The following TSHR variants were observed in gnomAD, a reference collection of about 807,000 sequenced individuals.
The protein encoded by TSHR is thyroid stimulating hormone receptor.
TSHR carries 51 observed loss-of-function variants against 64.1 expected under a neutral mutation model. The ratio of observed to expected loss-of-function variants is 0.80; its 90% CI spans 0.64 to 1.01. The LOEUF (loss-of-function observed/expected upper bound fraction) is 1.01. TSHR is among the 50% of genes least tolerant of loss of function. TSHR has a pLI of 0.00. For missense variants in TSHR, 877 were observed against 942.8 expected (o/e 0.93, Z 0.91); for synonymous variants, 361 against 361.9 (o/e 1.00, Z 0.03).
rs2140108898 is a variant in TSHR at position 81,143,049 on chromosome 14, G to C, written c.991G>C (p.Gly331Arg). 1.2e-6 allele frequency: 2 copies of C among 1,614,146 alleles called. No homozygotes were observed. Among genetic ancestry groups the C allele is most frequent in the Non-Finnish European group, 1.7e-6 (2 of 1,180,024 alleles). ...PLHQEYEENL[G>R]DSIVGYKEKS... ...CCACCAGGAATATGAAGAGAATCTG[G>C]GTGACAGCATTGTTGGGTACAAGGA... The change falls in exon 10 of 10, where the codon GGT becomes CGT. Residue 331 changes from glycine (G) to arginine (R), a missense_variant. Physicochemically the swap from Gly to Arg is moderately radical, Grantham distance 125 (BLOSUM62 -2). Transcript: ENST00000298171.
In TSHR at chr14:81,126,220, T is replaced by C. The variant is rs1033733626; in HGVS notation, c.693-13459T>C. ...AATTATTTGCAGAGCAGTCCCCAAC[T>C]AGTGGGTTGCCTGCTGGTGGGAGAG... is the stretch of plus-strand genomic sequence containing the variant. On this transcript the variant is annotated intron_variant, in intron 8 of 9. Transcript: ENST00000298171. 1.2e-4 allele frequency among the ~76,000 whole-genome samples: 19 copies of C among 152,226 alleles called. 1 individual carries two copies. The highest frequency in any genetic ancestry group is 2.4e-5 in the African/African-American group (1 of 41,464).
chr14:80,996,713 G>A (rs189302464), intron 1 of TSHR, among the ~76,000 whole-genome samples: 3 of 152,172 alleles, frequency 2.0e-5, no homozygotes, highest in Admixed American at 2.0e-4. Flanking sequence ...GTGGGGGAGG[G>A]GGGACTCTCT....
At chr14:81,003,921 C>T (rs767870280) in intron 1 of TSHR, among the ~76,000 whole-genome samples, 22 of 152,150 alleles carry the variant, frequency 1.4e-4, no homozygotes, top group Admixed American at 2.6e-4. Flanking sequence ...TTTTTAGTAA[C>T]ATCGCCAGAA....
At chr14:81,112,793 A>C (rs1444871637) in intron 8 of TSHR, among the ~76,000 whole-genome samples, 2 of 152,222 alleles carry the variant, frequency 1.3e-5, no homozygotes, top group African/African-American at 4.8e-5. Context: ...GGACAATCTG[A>C]AGAAAGAGCA....
chr14:81,026,656 A>T (rs957565231), intron 1 of TSHR, among the ~76,000 whole-genome samples: 1 of 152,198 alleles, frequency 6.6e-6, no homozygotes, highest in African/African-American at 2.4e-5. Flanking sequence ...AAATTTAAAA[A>T]AAGATAAGGC....
intron 1 of TSHR, among the ~76,000 whole-genome samples, chr14:80,961,577 A>G (rs555344093): frequency 2.2e-4 from 34 of 152,224 alleles, no homozygotes; most frequent in Non-Finnish European, 1.0e-4. Flanking sequence ...TTAATGGACA[A>G]TAAAATTTGT....
In TSHR at chr14:81,102,192, A is replaced by AT. The variant is rs1307521572; in HGVS notation, c.614+5485_614+5486insT. 9.2e-4 allele frequency among the ~76,000 whole-genome samples: 140 copies of AT among 151,358 alleles called. 1 individual carries two copies. The highest frequency in any genetic ancestry group is 3.3e-3 in the African/African-American group (136 of 41,000). On this transcript the variant is annotated intron_variant, in intron 7 of 9. Coordinates refer to ENST00000298171, the MANE Select transcript of TSHR (RefSeq NM_000369.5). Reference sequence around the variant, plus strand: ...ATCTCAGGGAAAAAAAAAAAAAAAAACTAAACAATAGTGAATGAGACAATA... The same window carrying AT: ...ATCTCAGGGAAAAAAAAAAAAAAAAATCTAAACAATAGTGAATGAGACAATA...
At chr14:81,008,274 G>T (rs1306006166) in intron 1 of TSHR, among the ~76,000 whole-genome samples, 2 of 151,456 alleles carry the variant, frequency 1.3e-5, no homozygotes, top group South Asian at 2.1e-4. Context: ...CCGGGTTCAC[G>T]CCATTCTTCT....
chr14:80,984,090 C>T (rs11850866), intron 1 of TSHR, among the ~76,000 whole-genome samples: 27 of 152,048 alleles, frequency 1.8e-4, no homozygotes, highest in Non-Finnish European at 3.1e-4. Context: ...TGAGTGTGCA[C>T]GTGTATACCC....
chr14:81,052,753 C>T (rs1416890372), intron 1 of TSHR: 2 of 152,062 alleles, frequency 1.3e-5, no homozygotes, highest in Non-Finnish European at 2.9e-5. Flanking sequence ...AGGTTCTTCT[C>T]CTCCTTGGTT....
Position 81,143,714 on chromosome 14 carries a change from C to T in TSHR, c.1656C>T (p.Leu552=), listed in dbSNP as rs746360455. The T allele has an allele frequency of 1.2e-5, 19 of 1,614,104 alleles. No individual in the cohort carries two copies. In the South Asian group the frequency reaches 1.2e-4, roughly 10 times the overall value. ...MVGGWVCCFL[L]ALLPLVGISS... ...GGGGCTGGGTTTGCTGCTTCCTTCTCGCCCTGCTTCCTTTGGTGGGAATAA... is the reference window on the plus strand; with the variant it reads ...GGGGCTGGGTTTGCTGCTTCCTTCTTGCCCTGCTTCCTTTGGTGGGAATAA... Residue 552 remains leucine (L), a synonymous_variant, in exon 10 of 10, where the codon CTC becomes CTT. Transcript: ENST00000298171.
At chr14:81,020,928 C>T (rs142715002) in intron 1 of TSHR, among the ~76,000 whole-genome samples, 414 of 151,966 alleles carry the variant, frequency 2.7e-3, no homozygotes, top group African/African-American at 9.4e-3. Flanking sequence ...GTGACAGCAA[C>T]CAAAATGAGA....
chr14:80,998,541 G>A (rs1889142556), intron 1 of TSHR, among the ~76,000 whole-genome samples: 1 of 151,736 alleles, frequency 6.6e-6, no homozygotes, highest in Non-Finnish European at 1.5e-5. Flanking sequence ...AGAAGCTACT[G>A]CTGCATACTA....
intron 7 of TSHR, chr14:81,104,428 A>T (rs1595120414): frequency 1.0e-6 from 1 of 984,718 alleles, no homozygotes; most frequent in African/African-American, 1.8e-5. Context: ...GTATCCTAAA[A>T]CTCCCCAGAG....
chr14:80,966,696 G>A (rs1355233325), intron 1 of TSHR, among the ~76,000 whole-genome samples: 2 of 152,190 alleles, frequency 1.3e-5, no homozygotes, highest in Admixed American at 1.3e-4. Flanking sequence ...ACTGGAAGTT[G>A]CATTTTAAAT....
intron 8 of TSHR, chr14:81,109,098 C>A (rs770830205): frequency 5.6e-6 from 4 of 719,360 alleles, no homozygotes; most frequent in Non-Finnish European, 7.4e-6. Context: ...CATTGAGCAT[C>A]CACTCTAGTC....
At position 80,961,694 on chromosome 14, in the gene TSHR, G is replaced by A. The variant is rs115153092; in HGVS notation, c.170+5844G>A. Among the ~76,000 whole-genome samples the A allele has an allele frequency of 9.3e-3, 1,412 of 152,192 alleles. 17 individuals are homozygous for A. The highest frequency in any genetic ancestry group is 0.033 in the African/African-American group (1,366 of 41,528). On this transcript the variant is annotated intron_variant, in intron 1 of 9. Transcript: ENST00000298171. ...ACAGTTAATGGGGGTAGCTGGCTTCGTAAATTAATATTTGGTTTGTTAAAG... is the reference window on the plus strand; with the variant it reads ...ACAGTTAATGGGGGTAGCTGGCTTCATAAATTAATATTTGGTTTGTTAAAG...
At chr14:80,981,844 A>T (rs1226670717) in intron 1 of TSHR, 1 of 170,862 alleles carries the variant, frequency 5.9e-6, no homozygotes, top group Non-Finnish European at 1.4e-5. Context: ...GCAAGAGAAC[A>T]TAGTGACTGC....
intron 9 of TSHR, among the ~76,000 whole-genome samples, chr14:81,140,479 G>A (rs1891639582): frequency 6.6e-6 from 1 of 152,170 alleles, no homozygotes; most frequent in Non-Finnish European, 1.5e-5. Flanking sequence ...AAACTGAATG[G>A]AAAACACTGG....
Sources: allele counts gnomAD v4.1 joint callset (sites outside exome capture counted in the v4.1 genomes callset), GRCh38; gene constraint gnomAD v4.1.1; transcripts MANE v1.5; gene names NCBI Gene and HGNC (gene_info 2026-07-23, HGNC 2026-07-21).